The following KCNJ6 variants were observed in gnomAD, a reference collection of about 807,000 sequenced individuals.
The protein encoded by KCNJ6 is potassium inwardly rectifying channel subfamily J member 6, also known as G protein-activated inward rectifier potassium channel 2.
KCNJ6 carries 9 observed loss-of-function variants against 34.2 expected under a neutral mutation model. The ratio of observed to expected loss-of-function variants is 0.26; its 90% CI spans 0.16 to 0.46. KCNJ6 has a LOEUF of 0.46. Among genes scored for constraint, KCNJ6 ranks in the 20% least tolerant of loss-of-function variants. The pLI is 1.00. For synonymous variants in KCNJ6, 196 were observed against 207.1 expected (o/e 0.95, Z 0.46); for missense variants, 236 against 531.3 (o/e 0.44, Z 5.46).
intron 2 of KCNJ6, among the ~76,000 whole-genome samples, chr21:37,807,163 C>T (rs1407299509): frequency 1.3e-5 from 2 of 152,144 alleles, no homozygotes; most frequent in Admixed American, 1.3e-4. Context: ...CAGCTAATGA[C>T]CTACACTTAC....
At chr21:37,776,178 G>A (rs2123507658) in intron 2 of KCNJ6, among the ~76,000 whole-genome samples, 1 of 152,300 alleles carries the variant, frequency 6.6e-6, no homozygotes, top group Non-Finnish European at 1.5e-5. Flanking sequence ...GAATGCTTGT[G>A]ATTTTTGCAC....
intron 2 of KCNJ6, among the ~76,000 whole-genome samples, chr21:37,742,067 G>A (rs1371142549): frequency 1.3e-5 from 2 of 152,218 alleles, no homozygotes. Context: ...CTGTCATCAT[G>A]GGGAAGCTGC....
At chr21:37,647,827 C>T (rs1259600345) in intron 3 of KCNJ6, among the ~76,000 whole-genome samples, 2 of 152,152 alleles carry the variant, frequency 1.3e-5, no homozygotes, top group African/African-American at 4.8e-5. Flanking sequence ...ATGGTGTGGC[C>T]CCGACTTTGG....
At chr21:37,649,399 T>C (rs2054421753) in intron 3 of KCNJ6, among the ~76,000 whole-genome samples, 1 of 152,214 alleles carries the variant, frequency 6.6e-6, no homozygotes, top group African/African-American at 2.4e-5. Flanking sequence ...TATAATTGTA[T>C]GCTTCTCAAT....
chr21:37,843,942 A>G (rs1205396013), intron 1 of KCNJ6, among the ~76,000 whole-genome samples: 1 of 152,308 alleles, frequency 6.6e-6, no homozygotes, highest in East Asian at 1.9e-4. Context: ...ATTCTCATTC[A>G]CAACAATGTC....
At chr21:37,673,689 T>C (rs1333810649) in intron 3 of KCNJ6, among the ~76,000 whole-genome samples, 1 of 152,092 alleles carries the variant, frequency 6.6e-6, no homozygotes, top group African/African-American at 2.4e-5. Context: ...ATGTTTAATT[T>C]TAGAGGTGTG....
chr21:37,704,092 A>G (rs2054706139), intron 3 of KCNJ6, among the ~76,000 whole-genome samples: 1 of 152,134 alleles, frequency 6.6e-6, no homozygotes, highest in African/African-American at 2.4e-5. Flanking sequence ...CCTTGGGGGT[A>G]TGGGGTAACA....
At chr21:37,785,759 G>A (rs185168662) in intron 2 of KCNJ6, among the ~76,000 whole-genome samples, 104 of 152,292 alleles carry the variant, frequency 6.8e-4, no homozygotes, top group Middle Eastern at 6.8e-3. Context: ...CCCCCAATTC[G>A]CACATTGAAA....
At chr21:37,679,601 C>G (rs1430364893) in intron 3 of KCNJ6, among the ~76,000 whole-genome samples, 1 of 152,178 alleles carries the variant, frequency 6.6e-6, no homozygotes, top group Non-Finnish European at 1.5e-5. Flanking sequence ...AAATAGAGTG[C>G]TTGCTGAATG....
At chr21:37,735,915 G>A (rs2054910477) in intron 2 of KCNJ6, among the ~76,000 whole-genome samples, 1 of 152,174 alleles carries the variant, frequency 6.6e-6, no homozygotes, top group Admixed American at 6.5e-5. Context: ...CTGGGGTATG[G>A]AGCCCCATCT....
chr21:37,845,677 C>T (rs1236950902), intron 1 of KCNJ6, among the ~76,000 whole-genome samples: 1 of 152,154 alleles, frequency 6.6e-6, no homozygotes, highest in Non-Finnish European at 1.5e-5. Flanking sequence ...AGAGTTAGAA[C>T]CTGTTCTTGC....
chr21:37,714,844 G>C lies in KCNJ6; in HGVS notation c.313C>G (p.Leu105Val). ...IFVMVYTVTWLFFGMIWWLIA... is the reference protein window; with the variant it reads ...IFVMVYTVTWVFFGMIWWLIA... ...AACCACCAGATCATTCCAAAAAAGAGCCAGGTCACTGTGTAAACCATGACA... is the reference window on the plus strand; with the variant it reads ...AACCACCAGATCATTCCAAAAAAGACCCAGGTCACTGTGTAAACCATGACA... The change falls in exon 3 of 4, where the codon CTC becomes GTC. Residue 105 changes from leucine (L) to valine (V), a missense_variant. Physicochemically the swap from Leu to Val is conservative, Grantham distance 32. Coordinates refer to ENST00000609713, the MANE Select transcript of KCNJ6 (RefSeq NM_002240.5). This position sits in a 1 kb window ranked among gnomAD's most constrained non-coding sequence, Gnocchi z 5.9. 2 of 1,614,246 alleles carry C rather than the reference G, an allele frequency of 1.2e-6. No individual in the cohort carries two copies. The highest frequency in any genetic ancestry group is 1.7e-6 in the Non-Finnish European group (2 of 1,180,042).
At chr21:37,655,214 TGTGTGTGTGTGAGAGAGAGAGAGAGAGA>T (rs1158834663) in intron 3 of KCNJ6, among the ~76,000 whole-genome samples, 11,340 of 72,052 alleles carry the variant, frequency 0.16, 702 homozygotes, top group Admixed American at 0.2. Context: ...TGTGTGTGTG[TGTGTGTGTGTGAGAGAGAGAGAGAGAGA>T]GAGAGAGAGA....
chr21:37,774,449 T>A (rs914588035), intron 2 of KCNJ6, among the ~76,000 whole-genome samples: 2 of 152,158 alleles, frequency 1.3e-5, no homozygotes, highest in South Asian at 4.1e-4. Flanking sequence ...GCTGCACCCA[T>A]TAACTCGACA....
At chr21:37,820,806 G>A (rs1301145822) in intron 2 of KCNJ6, among the ~76,000 whole-genome samples, 1 of 152,184 alleles carries the variant, frequency 6.6e-6, no homozygotes, top group East Asian at 1.9e-4. Context: ...GAACTTAGGA[G>A]ATACACTGAC....
chr21:37,742,687 A>G lies in KCNJ6; in HGVS notation c.26-27556T>C, dbSNP rs923275597. On this transcript the variant is annotated intron_variant, in intron 2 of 3. Coordinates refer to ENST00000609713, the MANE Select transcript of KCNJ6 (RefSeq NM_002240.5). ...CACTGGGGTTGCTGTGGCAGTCACC[A>G]TATCTAGATCACTGTTCCAGTCTTG... Among the ~76,000 whole-genome samples the G allele has an allele frequency of 2.0e-4, 30 of 152,128 alleles. 1 individual carries two copies. Among genetic ancestry groups the G allele is most frequent in the African/African-American group, 7.0e-4 (29 of 41,430 alleles).
At chr21:37,692,539 C>G (rs2054644625) in intron 3 of KCNJ6, among the ~76,000 whole-genome samples, 1 of 152,018 alleles carries the variant, frequency 6.6e-6, no homozygotes, top group Non-Finnish European at 1.5e-5. Flanking sequence ...TGTGGGGGGC[C>G]AATAGGAACC....
intron 1 of KCNJ6, among the ~76,000 whole-genome samples, chr21:37,909,963 T>G (rs1165968940): frequency 1.3e-5 from 2 of 152,194 alleles, no homozygotes; most frequent in Non-Finnish European, 2.9e-5. Context: ...ATGTGAATTG[T>G]CCGGTCAATG....
At chr21:37,781,042 T>G (rs1207478413) in intron 2 of KCNJ6, among the ~76,000 whole-genome samples, 1 of 152,248 alleles carries the variant, frequency 6.6e-6, no homozygotes, top group South Asian at 2.1e-4. Context: ...AAGTTGGGAC[T>G]GGCTGAGGCC....
Sources: gnomAD v4.1 joint callset for allele counts (sites outside exome capture counted in the v4.1 genomes callset) on GRCh38, gnomAD v4.1.1 for gene constraint, Gnocchi (gnomAD v3.1) non-coding constraint, MANE v1.5 for transcripts, NCBI Gene and HGNC (gene_info 2026-07-23, HGNC 2026-07-21) for gene names.